CDHR3: variants seen among roughly 807,000 people sequenced by gnomAD.
CDHR3 encodes cadherin related family member 3.
CDHR3 carries 79 observed loss-of-function variants against 86.6 expected under a neutral mutation model. The ratio of observed to expected loss-of-function variants is 0.91; its 90% CI spans 0.76 to 1.10. The LOEUF is 1.10. CDHR3 is among the 50% of genes least tolerant of loss of function. The pLI is 0.00. For missense variants in CDHR3, 1,081 were observed against 1,077.6 expected, an observed-to-expected ratio of 1.00 and a Z score of -0.04; for synonymous variants, 421 against 402.4, an observed-to-expected ratio of 1.05 and a Z score of -0.55.
At position 106,030,409 on chromosome 7, in the gene CDHR3, C is replaced by T. The variant is rs918878308; in HGVS notation, c.2305-383C>T. ...GCCTGACAGCAATTCACTGACACAA[C>T]GTAGGTCTTAGCCATGCTGTGTGGC... On this transcript the variant is annotated intron_variant, in intron 17 of 18. Transcript: ENST00000317716. This position sits in a 1 kb window ranked among gnomAD's most constrained non-coding sequence, Gnocchi z 4.8. Among the ~76,000 whole-genome samples, 14 of 152,194 alleles carry T rather than the reference C, an allele frequency of 9.2e-5. No homozygotes were observed. The highest frequency in any genetic ancestry group is 3.4e-4 in the African/African-American group (14 of 41,434).
intron 17 of CDHR3, among the ~76,000 whole-genome samples, chr7:106,029,597 A>C (rs1838029714): frequency 1.4e-5 from 2 of 146,014 alleles, no homozygotes; most frequent in African/African-American, 2.6e-5. Context: ...AACCTTATCT[A>C]CCCCCTGGGA....
At chr7:105,984,171 C>A (rs778189503) in intron 3 of CDHR3, 21 bp from the exon 4 acceptor site, 8 of 1,459,006 alleles carry the variant, frequency 5.5e-6, no homozygotes, top group Non-Finnish European at 9.3e-7. Flanking sequence ...GTTTCTTATT[C>A]CACTTTGGAC....
intron 3 of CDHR3, among the ~76,000 whole-genome samples, chr7:105,983,109 T>G (rs1830013736): frequency 6.6e-6 from 1 of 152,234 alleles, no homozygotes; most frequent in Non-Finnish European, 1.5e-5. Flanking sequence ...TCTCATAATG[T>G]TTCTCACTAA....
intron 9 of CDHR3, among the ~76,000 whole-genome samples, chr7:106,013,459 G>A (rs928929593): frequency 6.6e-6 from 1 of 152,196 alleles, no homozygotes; most frequent in Admixed American, 6.5e-5. Flanking sequence ...GACCAGAGGA[G>A]AGTGAGACAG....
rs1036093047 is a variant in CDHR3 at position 106,035,958 on chromosome 7, G to A, written c.*3261G>A. ...AGCAACCGTCGTGGATTTGGTGAAA[G>A]TTTTCTCCCATCTCCCTCTCAAGGC... On this transcript the variant is annotated 3_prime_UTR_variant, in exon 19 of 19. Transcript: ENST00000317716. 3.9e-5 allele frequency: 6 copies of A among 152,186 alleles called. No individual in the cohort carries two copies. Among genetic ancestry groups the A allele is most frequent in the Admixed American group, 2.0e-4 (3 of 15,280 alleles). The allele number at this position is 152,186 out of a possible 1,614,324, so 9.4% of individuals were successfully genotyped here.
chr7:106,022,589 C>A, intron 14 of CDHR3, 141 bp downstream of exon 14: 1 of 1,265,454 alleles, frequency 7.9e-7, no homozygotes. Flanking sequence ...CAACCATGGG[C>A]TGGACTGGAG....
chr7:105,982,231 G>C (rs1407017734), intron 3 of CDHR3, among the ~76,000 whole-genome samples: 7 of 152,152 alleles, frequency 4.6e-5, no homozygotes, highest in African/African-American at 1.4e-4. Context: ...CACTTTGGGA[G>C]GCCGAGGCAG....
intron 6 of CDHR3, 106 bp downstream of exon 6, chr7:105,996,460 T>A: frequency 3.3e-6 from 2 of 597,524 alleles, no homozygotes; most frequent in South Asian, 4.6e-5. Context: ...TGCCCTTTGC[T>A]GTGGCCTGCA....
chr7:106,027,489 G>T (rs1018587915), intron 16 of CDHR3, among the ~76,000 whole-genome samples: 6 of 152,168 alleles, frequency 3.9e-5, no homozygotes, highest in East Asian at 1.9e-4. Flanking sequence ...TAGTGAGAAG[G>T]GGGAGATGAG....
chr7:105,970,986 A>G (rs1827862513), intron 1 of CDHR3, among the ~76,000 whole-genome samples: 1 of 152,002 alleles, frequency 6.6e-6, no homozygotes, highest in African/African-American at 2.4e-5. Context: ...CTAAAAATAC[A>G]AAAAAATAGC....
intron 4 of CDHR3, among the ~76,000 whole-genome samples, chr7:105,985,651 C>T (rs957251299): frequency 6.1e-4 from 93 of 151,960 alleles, no homozygotes; most frequent in Middle Eastern, 3.4e-3. Flanking sequence ...AGAAGATGAT[C>T]CTTCTGTGTA....
chr7:106,003,790 A>T (rs1466962994), intron 7 of CDHR3, among the ~76,000 whole-genome samples: 1 of 152,132 alleles, frequency 6.6e-6, no homozygotes, highest in African/African-American at 2.4e-5. Flanking sequence ...AAAGGCAATA[A>T]TTGTGCACTG....
chr7:105,996,285 G>C lies in CDHR3; in HGVS notation c.644G>C (p.Gly215Ala). Residue 215 changes from glycine (G) to alanine (A), a missense_variant, in exon 6 of 19, where the codon GGC becomes GCC. Gly to Ala is a moderately conservative substitution (Grantham distance 60). Coordinates refer to ENST00000317716, the MANE Select transcript of CDHR3 (RefSeq NM_152750.5). ...ATCGTGGAGGTGAGGGACAGTGGAGGCCTCAAAGCCTCCACAGAGCTCCAG... is the reference window on the plus strand; with the variant it reads ...ATCGTGGAGGTGAGGGACAGTGGAGCCCTCAAAGCCTCCACAGAGCTCCAG... ...HLIVEVRDSG[G>A]LKASTELQVN... 1 of 1,598,776 alleles carries C rather than the reference G, an allele frequency of 6.3e-7. No individual in the cohort carries two copies. The highest frequency in any genetic ancestry group is 1.1e-5 in the South Asian group (1 of 90,406).
chr7:106,005,225 C>T (rs771648850), intron 8 of CDHR3, among the ~76,000 whole-genome samples: 2 of 152,002 alleles, frequency 1.3e-5, no homozygotes, highest in African/African-American at 2.4e-5. Context: ...AAAAGACATC[C>T]GAAAGGGAAA....
chr7:105,967,427 T>C (rs1585464152), intron 1 of CDHR3, among the ~76,000 whole-genome samples: 3 of 152,364 alleles, frequency 2.0e-5, no homozygotes, highest in South Asian at 2.1e-4. Flanking sequence ...CATGTGTATG[T>C]GTCTTTATAG....
chr7:106,032,789 T>C lies in CDHR3; in HGVS notation c.*92T>C, dbSNP rs1838581868. 7.4e-7 allele frequency: 1 copy of C among 1,355,188 alleles called. No homozygotes were observed. The highest frequency in any genetic ancestry group is 2.5e-5 in the East Asian group (1 of 39,648). 83.9% of individuals were successfully genotyped at this position (1,355,188 alleles called of 1,614,324 possible). ...TGTGGGCATGGTGTAGGGGGGAAAA[T>C]GTGGGCTGAGGGGATTCAGACATCC... On this transcript the variant is annotated 3_prime_UTR_variant, in exon 19 of 19. Coordinates refer to ENST00000317716, the MANE Select transcript of CDHR3 (RefSeq NM_152750.5).
rs1554507725 is a variant in CDHR3, at chr7:105,965,567, A to AAC, written c.46+2203_46+2204insAC. On this transcript the variant is annotated intron_variant, in intron 1 of 18. Transcript: ENST00000317716. ...TCCTTCAAGGCCCAACTCAAGCCCC[A>AAC]CCCCCCCCCATGGAGTCTTCCTGGA... is the stretch of plus-strand genomic sequence containing the variant. Among the ~76,000 whole-genome samples the AAC allele has an allele frequency of 5.1e-5, 4 of 78,196 alleles. No individual in the cohort carries two copies. In the Admixed American group the frequency reaches 6.5e-4, roughly 13 times the overall value. The allele number at this position is 78,196 out of a possible 152,430, so 51.3% of individuals were successfully genotyped here. A position where few individuals can be genotyped will look rare whatever the true frequency, so the allele number is the denominator to read the frequency against.
rs1324809267 is a variant in CDHR3, at chr7:106,030,348, G to A, written c.2305-444G>A. On this transcript the variant is annotated intron_variant, in intron 17 of 18. Transcript: ENST00000317716. The surrounding 1 kb of genome is among the most constrained non-coding windows in gnomAD (Gnocchi z 4.8). Reference sequence around the variant, plus strand: ...CCAGAGTGCCAGGGCCAGAGGTACGGACACCTGGGAGCTCACCTGTGTCCA... The same window carrying A: ...CCAGAGTGCCAGGGCCAGAGGTACGAACACCTGGGAGCTCACCTGTGTCCA... Among the ~76,000 whole-genome samples, 1 of 152,202 alleles carries A rather than the reference G, an allele frequency of 6.6e-6. No homozygotes were observed. The highest frequency in any genetic ancestry group is 1.9e-4 in the East Asian group (1 of 5,202).
intron 6 of CDHR3, among the ~76,000 whole-genome samples, chr7:105,997,748 A>T: frequency 6.6e-6 from 1 of 152,138 alleles, no homozygotes. Flanking sequence ...CAGAGCTTGT[A>T]AACCATCTGG....
Sources: allele counts gnomAD v4.1 joint callset (sites outside exome capture counted in the v4.1 genomes callset), GRCh38; gene constraint gnomAD v4.1.1; non-coding constraint Gnocchi (gnomAD v3.1); transcripts MANE v1.5; gene names NCBI Gene and HGNC (gene_info 2026-07-23, HGNC 2026-07-21).